Variants in AHRR observed in about 807,000 individuals in gnomAD.
AHRR encodes ahR repressor.
A neutral mutation model predicts 44.0 loss-of-function variants in AHRR; 28 were observed. That is an observed-to-expected ratio of 0.64 (90% CI 0.47 to 0.87). The LOEUF (loss-of-function observed/expected upper bound fraction) is 0.87, where lower values mean the gene tolerates loss of function less well. Among genes scored for constraint, AHRR ranks in the 40% least tolerant of loss-of-function variants. AHRR has a pLI of 0.00. For synonymous variants in AHRR, 434 were observed against 407.0 expected, an observed-to-expected ratio of 1.07 and a Z score of -0.80; for missense variants, 990 against 953.9, an observed-to-expected ratio of 1.04 and a Z score of -0.50.
chr5:424,461 T>A (rs1736295577), intron 7 of AHRR, among the ~76,000 whole-genome samples: 1 of 151,654 alleles, frequency 6.6e-6, no homozygotes, highest in Non-Finnish European at 1.5e-5. Context: ...CATGTGTCTC[T>A]GGTGGGTGGG....
intron 4 of AHRR, among the ~76,000 whole-genome samples, chr5:393,704 C>T (rs1407286494): frequency 6.6e-6 from 1 of 152,130 alleles, no homozygotes; most frequent in Non-Finnish European, 1.5e-5. Flanking sequence ...GTGGTACGAT[C>T]TTGGCTCACT....
intron 4 of AHRR, among the ~76,000 whole-genome samples, chr5:398,216 G>GTAGCCCCTGACCATCCACGT (rs1560907612): frequency 5.5e-5 from 4 of 72,826 alleles, no homozygotes; most frequent in Admixed American, 1.2e-4. Flanking sequence ...GACCATCCAC[G>GTAGCCCCTGACCATCCACGT]TAGCTCCTGA....
chr5:345,138 G>T (rs1418891132), intron 2 of AHRR, among the ~76,000 whole-genome samples: 1 of 89,862 alleles, frequency 1.1e-5, no homozygotes, highest in Non-Finnish European at 2.3e-5. Flanking sequence ...GTGTGTGTGT[G>T]TGTGTGTGTG....
rs766425888 is a variant in AHRR, at chr5:434,573, C to G, written c.1833C>G (p.Phe611Leu). ...TAGRSRELTP[F>L]HPAHCACLEP... ...GGCGCAGCAGGGAGCTGACCCCTTT[C>G]CACCCTGCACACTGTGCCTGCCTGG... The change falls in exon 11 of 11, where the codon TTC (phenylalanine) becomes TTG (leucine). Residue 611 changes from phenylalanine to leucine, a missense_variant. By Grantham distance (22) the Phe-to-Leu change is conservative. Transcript: ENST00000684583. 4 of 1,584,240 alleles carry G rather than the reference C, an allele frequency of 2.5e-6. No homozygotes were observed. The highest frequency in any genetic ancestry group is 4.6e-5 in the East Asian group (2 of 43,128).
rs1299920333 is a variant in AHRR at position 370,394 on chromosome 5, G to C, written c.245-6216G>C. Among the ~76,000 whole-genome samples the C allele has an allele frequency of 6.6e-6, 1 of 152,208 alleles. No homozygotes were observed. The highest frequency in any genetic ancestry group is 2.4e-5 in the African/African-American group (1 of 41,466). On this transcript the variant is annotated intron_variant, in intron 3 of 10. Coordinates refer to ENST00000684583, the MANE Select transcript of AHRR (RefSeq NM_001377236.1). This position sits in a 1 kb window ranked among gnomAD's most constrained non-coding sequence, Gnocchi z 4.5. ...GGGAAGGGTTGGATGGGCGTCCCAG[G>C]CTTCTCAGAGCATCCCATCCAACTC... is the stretch of plus-strand genomic sequence containing the variant.
chr5:433,471 C>T (rs1736834808), intron 10 of AHRR, among the ~76,000 whole-genome samples: 1 of 152,258 alleles, frequency 6.6e-6, no homozygotes, highest in Admixed American at 6.5e-5. Flanking sequence ...GCCACAGAAA[C>T]TGCTGGACAT....
Position 353,717 on chromosome 5 carries a change from C to G in AHRR, c.63-13C>G, listed in dbSNP as rs754811245. The G allele has an allele frequency of 6.3e-7, 1 of 1,599,124 alleles. No individual in the cohort carries two copies. Among genetic ancestry groups the G allele is most frequent in the Non-Finnish European group, 8.5e-7 (1 of 1,175,116 alleles). The stretch of plus-strand genomic sequence containing the variant: ...GTGGAGAAGCCCACCTGACCCAGAC[C>G]ATCTCCCCACAGGAGGCCCGCCGTG... On this transcript the variant is annotated splice_polypyrimidine_tract_variant and intron_variant, in intron 2 of 10. Transcript: ENST00000684583.
At chr5:344,443 CTGTGTGTGGGG>C (rs1368466540) in intron 2 of AHRR, among the ~76,000 whole-genome samples, 1 of 21,872 alleles carries the variant, frequency 4.6e-5, no homozygotes, top group Non-Finnish European at 1.1e-4. Context: ...CTGTGGGGGG[CTGTGTGTGGGG>C]TGTGTGTGTG....
At position 404,271 on chromosome 5, in the gene AHRR, C is replaced by T. The variant is rs1343910055; in HGVS notation, c.352-9073C>T. 8 of 499,132 alleles carry T rather than the reference C, an allele frequency of 1.6e-5. No individual in the cohort carries two copies. The highest frequency in any genetic ancestry group is 6.9e-5 in the Admixed American group (3 of 43,718). 30.9% of individuals were successfully genotyped at this position (499,132 alleles called of 1,614,324 possible). A position where few individuals can be genotyped will look rare whatever the true frequency, so the allele number is the denominator to read the frequency against. Reference sequence around the variant, plus strand: ...TCCATGCATGTTCCCAAATCATTGCCCTTCTCATCAAACATGTGAATAATT... The same window carrying T: ...TCCATGCATGTTCCCAAATCATTGCTCTTCTCATCAAACATGTGAATAATT... On this transcript the variant is annotated intron_variant, in intron 4 of 10. Coordinates refer to ENST00000684583, the MANE Select transcript of AHRR (RefSeq NM_001377236.1). This position sits in a 1 kb window ranked among gnomAD's most constrained non-coding sequence, Gnocchi z 4.1.
At chr5:390,346 T>TA (rs960564725) in intron 4 of AHRR, among the ~76,000 whole-genome samples, 9 of 151,832 alleles carry the variant, frequency 5.9e-5, no homozygotes, top group Admixed American at 1.3e-4. Flanking sequence ...AGCATTAAAA[T>TA]AAAAAAATTT....
At position 367,980 on chromosome 5, in the gene AHRR, G is replaced by A. The variant is rs963361342; in HGVS notation, c.245-8630G>A. 8 of 701,042 alleles carry A rather than the reference G, an allele frequency of 1.1e-5. No homozygotes were observed. In the African/African-American group the frequency reaches 1.4e-4, roughly 12 times the overall value. The allele number at this position is 701,042 out of a possible 1,614,324, so 43.4% of individuals were successfully genotyped here. The stretch of plus-strand genomic sequence containing the variant: ...CAGGACTGATAGCCACTGACCGCCT[G>A]TAGTGATGTGTGAGGACAATGAAGG... On this transcript the variant is annotated intron_variant, in intron 3 of 10. Coordinates refer to ENST00000684583, the MANE Select transcript of AHRR (RefSeq NM_001377236.1).
In AHRR at chr5:417,387, G is replaced by A. The variant is rs985101241; in HGVS notation, c.441+3954G>A. Reference sequence around the variant, plus strand: ...GGCTTGGTCCGTATGTGCAGGGCCCGAGTTTAGAGAAGGTGGCTTGGTCTG... The same window carrying A: ...GGCTTGGTCCGTATGTGCAGGGCCCAAGTTTAGAGAAGGTGGCTTGGTCTG... On this transcript the variant is annotated intron_variant, in intron 5 of 10. Transcript: ENST00000684583. 1.4e-4 allele frequency among the ~76,000 whole-genome samples: 21 copies of A among 150,438 alleles called. No individual in the cohort carries two copies. In the East Asian group the frequency reaches 3.8e-3, roughly 27 times the overall value.
At chr5:402,116 C>G (rs13436114) in intron 4 of AHRR, among the ~76,000 whole-genome samples, 7,777 of 152,154 alleles carry the variant, frequency 0.051, 251 homozygotes, top group South Asian at 0.068. Flanking sequence ...AAGAAAAAAC[C>G]CCATTAAAAA....
chr5:427,878 C>T lies in AHRR; in HGVS notation c.780C>T (p.Leu260=), dbSNP rs374703194. 1.2e-6 allele frequency: 2 copies of T among 1,614,122 alleles called. No individual in the cohort carries two copies. The highest frequency in any genetic ancestry group is 8.5e-7 in the Non-Finnish European group (1 of 1,180,032). The change falls in exon 8 of 11, where the codon CTC becomes CTT. Residue 260 remains leucine (L), a synonymous_variant. Coordinates refer to ENST00000684583, the MANE Select transcript of AHRR (RefSeq NM_001377236.1). ...QKKKAPSGAM[L]PPRLSLFCIA... is the part of the protein sequence containing the mutation. The stretch of plus-strand genomic sequence containing the variant: ...AGAAGGCGCCGTCAGGAGCCATGCT[C>T]CCGCCGCGGCTGTCGCTGTTCTGCA...
At chr5:418,233 T>G (rs938373349) in intron 5 of AHRR, among the ~76,000 whole-genome samples, 1 of 152,250 alleles carries the variant, frequency 6.6e-6, no homozygotes, top group Non-Finnish European at 1.5e-5. Flanking sequence ...AAGGAGGGTT[T>G]GTTTTTGTAC....
Position 432,317 on chromosome 5 carries a change from CAA to C in AHRR, c.909-145_909-144del, listed in dbSNP as rs1370607318. On this transcript the variant is annotated intron_variant, in intron 8 of 10. Coordinates refer to ENST00000684583, the MANE Select transcript of AHRR (RefSeq NM_001377236.1). ...ACTTTCCACACTATAAAGAATTAAA[CAA>C]GAGTGAACTATTGTTTCTGTCTTCA... 16 of 720,280 alleles carry C rather than the reference CAA, an allele frequency of 2.2e-5. No homozygotes were observed. In the East Asian group the frequency reaches 3.5e-4, roughly 16 times the overall value. The allele number at this position is 720,280 out of a possible 1,614,324, so 44.6% of individuals were successfully genotyped here.
intron 3 of AHRR, among the ~76,000 whole-genome samples, chr5:369,816 G>A (rs966060598): frequency 4.6e-5 from 7 of 152,332 alleles, no homozygotes; most frequent in East Asian, 1.9e-4. Context: ...ATTTTCTTCC[G>A]GAATGTACAT....
chr5:350,531 C>T (rs971779668), intron 2 of AHRR, among the ~76,000 whole-genome samples: 3 of 152,158 alleles, frequency 2.0e-5, no homozygotes, highest in Admixed American at 6.5e-5. Context: ...GTCCTCTCCC[C>T]ACTGCCTTCG....
In AHRR at chr5:383,287, C is replaced by T. The variant is rs1213333625; in HGVS notation, c.351+6571C>T. ...TTATATCCAGTTGACTTGTTGTGTT[C>T]AGGTTATTCTTGATTTCCTATCTAG... On this transcript the variant is annotated intron_variant, in intron 4 of 10. Transcript: ENST00000684583. This position sits in a 1 kb window ranked among gnomAD's most constrained non-coding sequence, Gnocchi z 4.0. 6.6e-6 allele frequency among the ~76,000 whole-genome samples: 1 copy of T among 152,152 alleles called. No homozygotes were observed. Among genetic ancestry groups the T allele is most frequent in the African/African-American group, 2.4e-5 (1 of 41,432 alleles).
Sources: allele counts gnomAD v4.1 joint callset (sites outside exome capture counted in the v4.1 genomes callset), GRCh38; gene constraint gnomAD v4.1.1; non-coding constraint Gnocchi (gnomAD v3.1); transcripts MANE v1.5; gene names NCBI Gene and HGNC (gene_info 2026-07-23, HGNC 2026-07-21).